Variants in KIF1C observed in about 807,000 individuals in gnomAD.
KIF1C encodes kinesin family member 1C, also known as kinesin-like protein KIF1C.
KIF1C carries 61 observed loss-of-function variants against 126.5 expected under a neutral mutation model. The ratio of observed to expected loss-of-function variants is 0.48; its 90% CI spans 0.39 to 0.60. The LOEUF is 0.60. Among genes scored for constraint, KIF1C ranks in the 20% least tolerant of loss-of-function variants. The pLI is 0.00. For synonymous variants in KIF1C, 640 were observed against 580.6 expected, an observed-to-expected ratio of 1.10 and a Z score of -1.47; for missense variants, 1,315 against 1,489.2, an observed-to-expected ratio of 0.88 and a Z score of 1.93.
intron 21 of KIF1C, among the ~76,000 whole-genome samples, chr17:5,021,481 C>CT (rs1482831496): frequency 1.3e-5 from 2 of 151,022 alleles, no homozygotes; most frequent in East Asian, 3.9e-4. Flanking sequence ...CGGCCATGGA[C>CT]TTTCTATTTT....
intron 3 of KIF1C, 120 bp downstream of exon 3, chr17:5,000,472 T>TC (rs1297961678): frequency 4.0e-6 from 3 of 748,560 alleles, no homozygotes; most frequent in Admixed American, 2.2e-5. Flanking sequence ...CAGGTGCTAG[T>TC]CGTAAGGGCG....
In KIF1C at chr17:5,024,914, C is replaced by CT. The variant is rs373216126; in HGVS notation, c.*774dup. The CT allele has an allele frequency of 0.066, 9,711 of 146,186 alleles. 977 individuals carry two copies. The highest frequency in any genetic ancestry group is 0.22 in the African/African-American group (8,700 of 40,448). The allele number at this position is 146,186 out of a possible 1,614,324, so 9.1% of individuals were successfully genotyped here. On this transcript the variant is annotated 3_prime_UTR_variant, in exon 23 of 23. Coordinates refer to ENST00000320785, the MANE Select transcript of KIF1C (RefSeq NM_006612.6). ...GGTGCGCAGCCCGATCTTTTCCCCG[C>CT]TTTTTTTTTTTGGGAGACAGGGTCT...
Position 5,020,064 on chromosome 17 carries a change from C to G in KIF1C, c.1735C>G (p.Leu579Val). 1.3e-6 allele frequency: 2 copies of G among 1,595,110 alleles called. No homozygotes were observed. The highest frequency in any genetic ancestry group is 1.7e-4 in the Middle Eastern group (1 of 6,006). The change falls in exon 19 of 23, where the codon CTG (leucine) becomes GTG (valine). Residue 579 changes from leucine to valine, a missense_variant. Leu to Val is a conservative substitution (Grantham distance 32). This residue lies in a region of KIF1C where 874 missense variants were observed against 1,053.2 expected (regional missense o/e 0.83). Transcript: ENST00000320785. The surrounding 1 kb of genome is among the most constrained non-coding windows in gnomAD (Gnocchi z 5.8). ...GAATGGGAAGCTTGTGACGGAGCCGCTGGTGCTGAAGTCAGGTAGAAGATG... is the reference window on the plus strand; with the variant it reads ...GAATGGGAAGCTTGTGACGGAGCCGGTGGTGCTGAAGTCAGGTAGAAGATG... The part of the protein sequence containing the change: ...YVNGKLVTEP[L>V]VLKSGNRIVM...
In KIF1C at chr17:5,022,382, G is replaced by A. The variant is rs1262827031; in HGVS notation, c.2301G>A (p.Gly767=). ...YEVALADFRH[G]RAEIEALAAL... ...TGGCCCTGGCTGACTTCCGCCACGG[G>A]CGGGCTGAGATTGAGGCCCTGGCCG... is the stretch of plus-strand genomic sequence containing the variant. The change falls in exon 22 of 23, where the codon GGG becomes GGA. Residue 767 remains glycine (G), a synonymous_variant. Transcript: ENST00000320785. The surrounding 1 kb of genome is among the most constrained non-coding windows in gnomAD (Gnocchi z 4.9). 1.3e-6 allele frequency: 2 copies of A among 1,581,122 alleles called. No homozygotes were observed. The highest frequency in any genetic ancestry group is 1.3e-5 in the African/African-American group (1 of 74,364).
rs1240123302 is a variant in KIF1C, at chr17:5,023,979, A to G, written c.3140A>G (p.Gln1047Arg). The G allele has an allele frequency of 1.9e-6, 3 of 1,590,624 alleles. No individual in the cohort carries two copies. The highest frequency in any genetic ancestry group is 1.8e-5 in the Admixed American group (1 of 56,428). Residue 1047 changes from glutamine to arginine, a missense_variant, in exon 23 of 23, where the codon CAG (glutamine) becomes CGG (arginine). Gln to Arg is a conservative substitution (Grantham distance 43). Transcript: ENST00000320785. This position sits in a 1 kb window ranked among gnomAD's most constrained non-coding sequence, Gnocchi z 4.2. ...GGRSRGAGSA[Q>R]PEPQHFQPKK... Reference sequence around the variant, plus strand: ...CGATCCCGGGGAGCGGGTTCTGCACAGCCTGAACCCCAGCACTTCCAGCCC... The same window carrying G: ...CGATCCCGGGGAGCGGGTTCTGCACGGCCTGAACCCCAGCACTTCCAGCCC...
intron 16 of KIF1C, among the ~76,000 whole-genome samples, chr17:5,008,524 G>C (rs910845663): frequency 3.9e-5 from 6 of 152,240 alleles, no homozygotes; most frequent in Non-Finnish European, 8.8e-5. Context: ...CAGTGTCACT[G>C]GGGGCTGCCT....
chr17:5,003,233 G>A (rs566068474), intron 8 of KIF1C, among the ~76,000 whole-genome samples: 2 of 152,152 alleles, frequency 1.3e-5, no homozygotes, highest in South Asian at 4.1e-4. Flanking sequence ...TTTTAGTAGA[G>A]ACGAGGTTTC....
chr17:5,003,461 C>T (rs968170625), intron 8 of KIF1C, 151 bp from the exon 9 acceptor site: 35 of 603,930 alleles, frequency 5.8e-5, no homozygotes, highest in Middle Eastern at 8.3e-4. Context: ...ACTGTTGTCA[C>T]GTATTCTGTT....
At chr17:5,011,676 G>C (rs1974869871) in intron 16 of KIF1C, 1 of 152,178 alleles carries the variant, frequency 6.6e-6, no homozygotes, top group Non-Finnish European at 1.5e-5. Flanking sequence ...TGTCGCAGGA[G>C]TGATCCTTGG....
intron 18 of KIF1C, among the ~76,000 whole-genome samples, chr17:5,016,122 G>T (rs1335562211): frequency 6.6e-6 from 1 of 150,890 alleles, no homozygotes; most frequent in African/African-American, 2.4e-5. Flanking sequence ...AAGGGACCTG[G>T]GGTGTGTATG....
intron 11 of KIF1C, 105 bp from the exon 12 acceptor site, chr17:5,004,462 C>T (rs1974677985): frequency 1.1e-5 from 11 of 1,017,370 alleles, no homozygotes; most frequent in African/African-American, 1.6e-5. Context: ...CAGACCATGA[C>T]CCTGTAAGAC....
chr17:5,021,987 C>T, intron 21 of KIF1C, 105 bp from the exon 22 acceptor site: 1 of 1,312,170 alleles, frequency 7.6e-7, no homozygotes, highest in Non-Finnish European at 1.0e-6. Flanking sequence ...TGAACCCAGG[C>T]TCCCTGATGG....
rs978932887 is a variant in KIF1C at position 5,018,464 on chromosome 17, T to C, written c.1667-1532T>C. On this transcript the variant is annotated intron_variant, in intron 18 of 22. Coordinates refer to ENST00000320785, the MANE Select transcript of KIF1C (RefSeq NM_006612.6). ...GGCGGATCACCTGAGGTCAGGCGGG[T>C]GGATCACCTGAGGTCAGGAGTTGGA... Among the ~76,000 whole-genome samples, 6 of 151,424 alleles carry C rather than the reference T, an allele frequency of 4.0e-5. No individual in the cohort carries two copies. In the East Asian group the frequency reaches 7.8e-4, roughly 20 times the overall value.
At chr17:5,009,380 A>G (rs571750347) in intron 16 of KIF1C, among the ~76,000 whole-genome samples, 65 of 152,024 alleles carry the variant, frequency 4.3e-4, no homozygotes, top group African/African-American at 1.5e-3. Context: ...GGGGTTCACT[A>G]TGTTGGCCGG....
chr17:5,012,137 C>T (rs1217805711), intron 16 of KIF1C: 1 of 152,270 alleles, frequency 6.6e-6, no homozygotes, highest in African/African-American at 2.4e-5. Context: ...CTCACCTCCC[C>T]TAGCTGACTC....
intron 12 of KIF1C, 24 bp from the exon 13 acceptor site, chr17:5,004,831 C>T (rs767564742): frequency 1.2e-4 from 196 of 1,613,920 alleles, no homozygotes; most frequent in Non-Finnish European, 1.6e-4. Flanking sequence ...CAGGCCTCAC[C>T]GACCCTGCTC....
intron 1 of KIF1C, among the ~76,000 whole-genome samples, chr17:4,998,584 C>T (rs987215817): frequency 2.0e-5 from 3 of 152,238 alleles, no homozygotes; most frequent in Non-Finnish European, 2.9e-5. Context: ...GCTGCAGCAA[C>T]GGCGTCACCA....
chr17:5,019,935 T>A, intron 18 of KIF1C, 61 bp from the exon 19 acceptor site: 1 of 1,375,584 alleles, frequency 7.3e-7, no homozygotes. Flanking sequence ...TGGGAATCTG[T>A]GACCATGACC....
rs376385209 is a variant in KIF1C at position 5,022,297 on chromosome 17, C to G, written c.2216C>G (p.Pro739Arg). ...CGACGCAGGCTGCAGGGCAAAGACC[C>G]CCGCTGGGCCACCATGGCTGACCTG... ...PQRRRLQGKDPRWATMADLKM... is the reference protein window; with the variant it reads ...PQRRRLQGKDRRWATMADLKM... Residue 739 changes from proline to arginine, a missense_variant, in exon 22 of 23, where the codon CCC (proline) becomes CGC (arginine). Physicochemically the swap from Pro to Arg is moderately radical, Grantham distance 103 (BLOSUM62 -2). Around this residue, in one of 2 missense-constraint regions of KIF1C, gnomAD observed 874 missense variants for 1,053.2 expected, o/e 0.83. Coordinates refer to ENST00000320785, the MANE Select transcript of KIF1C (RefSeq NM_006612.6). This position sits in a 1 kb window ranked among gnomAD's most constrained non-coding sequence, Gnocchi z 4.9. The G allele has an allele frequency of 6.2e-7, 1 of 1,612,082 alleles. No homozygotes were observed. Among genetic ancestry groups the G allele is most frequent in the Non-Finnish European group, 8.5e-7 (1 of 1,179,114 alleles).
Sources: gnomAD v4.1 joint callset for allele counts (sites outside exome capture counted in the v4.1 genomes callset) on GRCh38, gnomAD v4.1.1 for gene constraint, gnomAD v4.1.1 regional missense constraint, Gnocchi (gnomAD v3.1) non-coding constraint, MANE v1.5 for transcripts, NCBI Gene and HGNC (gene_info 2026-07-23, HGNC 2026-07-21) for gene names.